Variants in LAP3 observed in about 807,000 individuals in gnomAD.
LAP3 encodes the protein cytosol aminopeptidase.
In LAP3, 46 loss-of-function variants were observed where a neutral mutation model predicts 58.8. That is an observed-to-expected ratio of 0.78 (90% CI 0.62 to 1.00). The LOEUF is 1.00. LAP3 is among the 50% of genes least tolerant of loss of function. The probability of loss-of-function intolerance (pLI) is 0.00; values close to 1 mark genes in which losing one functional copy is unlikely to be tolerated. For synonymous variants in LAP3, 257 were observed against 237.7 expected (o/e 1.08, Z -0.75); for missense variants, 615 against 659.1 (o/e 0.93, Z 0.73).
In LAP3 at chr4:17,580,779, G is replaced by A. The variant is rs574305520; in HGVS notation, c.218+840G>A. 1.1e-3 allele frequency among the ~76,000 whole-genome samples: 172 copies of A among 152,260 alleles called. 1 individual carries two copies. Among genetic ancestry groups the A allele is most frequent in the Non-Finnish European group, 2.0e-3 (133 of 68,026 alleles). ...AGTTAAAATACAAAAAGTCTCCATG[G>A]GGCTGGAGATCCTGATGGTAGGGAA... is the stretch of plus-strand genomic sequence containing the variant. On this transcript the variant is annotated intron_variant, in intron 2 of 12. Coordinates refer to ENST00000226299, the MANE Select transcript of LAP3 (RefSeq NM_015907.3).
intron 7 of LAP3, among the ~76,000 whole-genome samples, chr4:17,594,607 T>C (rs1713783235): frequency 6.6e-6 from 1 of 152,176 alleles, no homozygotes; most frequent in African/African-American, 2.4e-5. Flanking sequence ...TAGAAGCCTC[T>C]GGGGGTCAGG....
At position 17,604,720 on chromosome 4, in the gene LAP3, T is replaced by G. The variant is rs1714077247; in HGVS notation, c.1260+53T>G. The stretch of plus-strand genomic sequence containing the variant: ...TGTAGAGATGGTGAATAAATTATTC[T>G]AGCCTTAGAAGGATAGACTTCTTCA... On this transcript the variant is annotated intron_variant, in intron 11 of 12. Coordinates refer to ENST00000226299, the MANE Select transcript of LAP3 (RefSeq NM_015907.3). The G allele has an allele frequency of 2.2e-6, 3 of 1,353,010 alleles. No homozygotes were observed. In the African/African-American group the frequency reaches 4.3e-5, roughly 19 times the overall value. 83.8% of individuals were successfully genotyped at this position (1,353,010 alleles called of 1,614,324 possible).
rs756154829 is a variant in LAP3 at position 17,601,820 on chromosome 4, T to C, written c.1181-2768T>C. ...AAAGTCCGTGTATGTTCAGTACTGA[T>C]GCAGCCATCTCCCCCGCTTCAAAAT... On this transcript the variant is annotated intron_variant, in intron 10 of 12. Coordinates refer to ENST00000226299, the MANE Select transcript of LAP3 (RefSeq NM_015907.3). 3.9e-5 allele frequency among the ~76,000 whole-genome samples: 6 copies of C among 152,278 alleles called. No homozygotes were observed. The East Asian group carries it at 7.7e-4, about 20-fold the overall frequency.
At chr4:17,591,822 C>T (rs577928177) in intron 7 of LAP3, among the ~76,000 whole-genome samples, 14 of 152,234 alleles carry the variant, frequency 9.2e-5, no homozygotes, top group African/African-American at 2.4e-4. Flanking sequence ...TTGGTCGCTG[C>T]GGGCCTGCTT....
chr4:17,581,691 G>A lies in LAP3; in HGVS notation c.219-69G>A. On this transcript the variant is annotated intron_variant, in intron 2 of 12. Transcript: ENST00000226299. Reference sequence around the variant, plus strand: ...AGAATAGTGTGATAATGCCGAGTATGTAAGTGTGCCTTCCCAAGTGAACCG... The same window carrying A: ...AGAATAGTGTGATAATGCCGAGTATATAAGTGTGCCTTCCCAAGTGAACCG... 3.4e-6 allele frequency: 4 copies of A among 1,176,940 alleles called. No individual in the cohort carries two copies. In the Admixed American group the frequency reaches 6.9e-5, roughly 20 times the overall value. The allele number at this position is 1,176,940 out of a possible 1,614,324, so 72.9% of individuals were successfully genotyped here. A position where few individuals can be genotyped will look rare whatever the true frequency, so the allele number is the denominator to read the frequency against.
chr4:17,607,057 G>T, intron 12 of LAP3, 119 bp downstream of exon 12: 2 of 620,558 alleles, frequency 3.2e-6, no homozygotes, highest in South Asian at 2.5e-5. Context: ...TTGGTGTAGT[G>T]CTTGTAAGAT....
chr4:17,586,837 G>A (rs1713528335), intron 6 of LAP3, among the ~76,000 whole-genome samples: 1 of 152,164 alleles, frequency 6.6e-6, no homozygotes, highest in African/African-American at 2.4e-5. Flanking sequence ...CAGGCATGGT[G>A]GCTCATGACT....
At chr4:17,578,405 C>A (rs113449467) in intron 1 of LAP3, among the ~76,000 whole-genome samples, 18 of 152,168 alleles carry the variant, frequency 1.2e-4, no homozygotes, top group African/African-American at 4.1e-4. Context: ...AAGTTAGAAC[C>A]TGGCAGAGTT....
intron 9 of LAP3, 100 bp downstream of exon 9, chr4:17,597,234 C>A: frequency 1.1e-6 from 1 of 952,156 alleles, no homozygotes; most frequent in Non-Finnish European, 1.7e-6. Context: ...GCCCCAGAAC[C>A]ATATTAGGGG....
intron 10 of LAP3, among the ~76,000 whole-genome samples, chr4:17,602,574 A>G (rs1436982480): frequency 1.3e-5 from 2 of 152,242 alleles, no homozygotes; most frequent in Non-Finnish European, 2.9e-5. Flanking sequence ...AGCAGTACTT[A>G]GATGTGATTA....
intron 7 of LAP3, 46 bp from the exon 8 acceptor site, chr4:17,595,364 C>T: frequency 6.3e-7 from 1 of 1,596,876 alleles, no homozygotes. Flanking sequence ...GTGATTTTGG[C>T]CATCTTCTTT....
chr4:17,582,094 G>A, intron 3 of LAP3, 194 bp from the exon 4 acceptor site: 2 of 612,666 alleles, frequency 3.3e-6, no homozygotes, highest in Non-Finnish European at 5.8e-6. Context: ...AAACCTATAA[G>A]TTATACAATT....
At chr4:17,592,387 A>G (rs1577222370) in intron 7 of LAP3, among the ~76,000 whole-genome samples, 1 of 152,240 alleles carries the variant, frequency 6.6e-6, no homozygotes, top group Non-Finnish European at 1.5e-5. Flanking sequence ...GTTGTTGGTC[A>G]TGTCAGCCAT....
At chr4:17,600,770 T>G (rs1713964550) in intron 10 of LAP3, among the ~76,000 whole-genome samples, 1 of 152,154 alleles carries the variant, frequency 6.6e-6, no homozygotes, top group Non-Finnish European at 1.5e-5. Flanking sequence ...AGGCTCTTGA[T>G]AGGAGGAAGT....
chr4:17,586,539 A>G (rs745467022), intron 6 of LAP3, among the ~76,000 whole-genome samples: 1 of 152,208 alleles, frequency 6.6e-6, no homozygotes, highest in African/African-American at 2.4e-5. Context: ...CCTGGAATTT[A>G]TCATACAAAG....
intron 6 of LAP3, among the ~76,000 whole-genome samples, chr4:17,586,577 G>T (rs1288148533): frequency 6.6e-6 from 1 of 152,214 alleles, no homozygotes; most frequent in African/African-American, 2.4e-5. Flanking sequence ...TGTCCTTGCA[G>T]AAAGTGAGGA....
At chr4:17,596,979 C>T (rs1420682708) in intron 8 of LAP3, 67 bp from the exon 9 acceptor site, 4 of 1,494,680 alleles carry the variant, frequency 2.7e-6, no homozygotes, top group Non-Finnish European at 3.7e-6. Flanking sequence ...CAGGTGGCCT[C>T]TTGTCCCATA....
At position 17,584,882 on chromosome 4, in the gene LAP3, T is replaced by A; in HGVS notation, c.540-90T>A. 3 of 1,301,486 alleles carry A rather than the reference T, an allele frequency of 2.3e-6. 1 individual carries two copies. In the South Asian group the frequency reaches 4.2e-5, roughly 18 times the overall value. 80.6% of individuals were successfully genotyped at this position (1,301,486 alleles called of 1,614,324 possible). A position where few individuals can be genotyped will look rare whatever the true frequency, so the allele number is the denominator to read the frequency against. ...TTTGATTTGTAGTCTTCCTCTTTTG[T>A]TTTCTGTAAGGTAAGAGTGTCTCTT... is the stretch of plus-strand genomic sequence containing the variant. On this transcript the variant is annotated intron_variant, in intron 5 of 12. Coordinates refer to ENST00000226299, the MANE Select transcript of LAP3 (RefSeq NM_015907.3).
chr4:17,601,608 C>T (rs945328864), intron 10 of LAP3, among the ~76,000 whole-genome samples: 3 of 152,006 alleles, frequency 2.0e-5, no homozygotes, highest in African/African-American at 7.3e-5. Context: ...TTCTAGGATC[C>T]CCCCTCAGAT....
Sources: gnomAD v4.1 joint callset for allele counts (sites outside exome capture counted in the v4.1 genomes callset) on GRCh38, gnomAD v4.1.1 for gene constraint, MANE v1.5 for transcripts, NCBI Gene and HGNC (gene_info 2026-07-23, HGNC 2026-07-21) for gene names.